The following DHRS2 variants were observed in gnomAD, a reference collection of about 807,000 sequenced individuals.
DHRS2 encodes the protein dehydrogenase/reductase SDR family member 2, mitochondrial.
A neutral mutation model predicts 26.3 loss-of-function variants in DHRS2; 29 were observed. That is an observed-to-expected ratio of 1.10 (90% confidence interval 0.82 to 1.50). The LOEUF is 1.50. DHRS2 is among the 40% of genes most tolerant of loss of function. The probability of loss-of-function intolerance (pLI) is 0.00; values close to 1 mark genes in which losing one functional copy is unlikely to be tolerated. For synonymous variants in DHRS2, 164 were observed against 151.3 expected, an observed-to-expected ratio of 1.08 and a Z score of -0.62; for missense variants, 439 against 367.1, an observed-to-expected ratio of 1.20 and a Z score of -1.60.
chr14:23,643,243 C>T, intron 5 of DHRS2, 24 bp downstream of exon 5: 1 of 1,612,402 alleles, frequency 6.2e-7, no homozygotes, highest in Non-Finnish European at 8.5e-7. Flanking sequence ...GGGGTGGGGA[C>T]CAGTCGGAGT....
At chr14:23,638,483 C>G (rs940260181) in intron 1 of DHRS2, 1 of 182,782 alleles carries the variant, frequency 5.5e-6, no homozygotes, top group Non-Finnish European at 1.1e-5. Flanking sequence ...GGGTCCAGGG[C>G]TGAGTCTGTC....
intron 1 of DHRS2, among the ~76,000 whole-genome samples, chr14:23,637,770 G>A (rs1156990762): frequency 4.6e-5 from 7 of 152,168 alleles, no homozygotes. Context: ...CGAAAGGATT[G>A]TAAATGCACC....
chr14:23,631,085 A>G (rs1890105444), intron 1 of DHRS2, among the ~76,000 whole-genome samples: 1 of 152,206 alleles, frequency 6.6e-6, no homozygotes, highest in Admixed American at 6.5e-5. Context: ...GGGATTTTCT[A>G]TAGGATGTAA....
intron 4 of DHRS2, chr14:23,641,842 G>A (rs1890685534): frequency 8.0e-7 from 1 of 1,252,992 alleles, no homozygotes; most frequent in African/African-American, 1.5e-5. Context: ...GGAAAAAACA[G>A]TGAACAGTCC....
At chr14:23,638,669 C>T in intron 1 of DHRS2, 158 bp from the exon 2 acceptor site, 2 of 663,202 alleles carry the variant, frequency 3.0e-6, no homozygotes, top group Non-Finnish European at 5.0e-6. Flanking sequence ...GGATTGCTTT[C>T]CTGACCTGAG....
In DHRS2 at chr14:23,639,895, G is replaced by A; in HGVS notation, c.420G>A (p.Lys140=). Residue 140 remains lysine, a splice_region_variant and synonymous_variant, in exon 4 of 9, where the codon AAG becomes AAA. Coordinates refer to ENST00000250383, the MANE Select transcript of DHRS2 (RefSeq NM_005794.4). ...GGACCAGTGAGCAGATCTGGGACAAGGTGAGAGGCCTCCCCTGGGGAGGCG... is the reference window on the plus strand; with the variant it reads ...GGACCAGTGAGCAGATCTGGGACAAAGTGAGAGGCCTCCCCTGGGGAGGCG... The part of the protein sequence containing the change: ...TLGTSEQIWD[K]ILSVNVKSPA... The A allele has an allele frequency of 6.3e-7, 1 of 1,595,332 alleles. No individual in the cohort carries two copies. The highest frequency in any genetic ancestry group is 1.7e-5 in the Admixed American group (1 of 57,804).
Position 23,640,320 on chromosome 14 carries a change from A to T in DHRS2, c.420+425A>T, listed in dbSNP as rs115442795. 6.5e-4 allele frequency: 638 copies of T among 985,608 alleles called. 3 individuals carry two copies. In the African/African-American group the frequency reaches 0.011, roughly 16 times the overall value. 61.1% of individuals were successfully genotyped at this position (985,608 alleles called of 1,614,324 possible). ...TTTTTCTTTGGTGACCTGTGCCTGT[A>T]GCGGAGACTGTCTCTCCTAGAAGGG... is the stretch of plus-strand genomic sequence containing the variant. On this transcript the variant is annotated intron_variant, in intron 4 of 8. Coordinates refer to ENST00000250383, the MANE Select transcript of DHRS2 (RefSeq NM_005794.4).
chr14:23,639,961 G>T, intron 4 of DHRS2, 66 bp downstream of exon 4: 1 of 1,325,328 alleles, frequency 7.5e-7, no homozygotes, highest in Non-Finnish European at 9.9e-7. Context: ...GCTCCAGCAT[G>T]CCTGTGCCCA....
upstream of DHRS2, among the ~76,000 whole-genome samples, chr14:23,632,977 C>T (rs1890162751): frequency 6.6e-6 from 1 of 152,228 alleles, no homozygotes; most frequent in Non-Finnish European, 1.5e-5. Context: ...CAACAGGAAG[C>T]TCATCAGATT....
chr14:23,630,394 A>G (rs1890089444), intron 1 of DHRS2, among the ~76,000 whole-genome samples: 1 of 152,130 alleles, frequency 6.6e-6, no homozygotes. Context: ...TCCTGCCTCT[A>G]TGTCTGCAGC....
At position 23,644,986 on chromosome 14, in the gene DHRS2, C is replaced by A. The variant is rs527486662; in HGVS notation, c.731+104C>A. 7.7e-6 allele frequency: 12 copies of A among 1,565,504 alleles called. No homozygotes were observed. In the East Asian group the frequency reaches 2.5e-4, roughly 32 times the overall value. ...CCCTGTCATCTGGCCATTGTTTTTG[C>A]TGAAATCTGGAGTCCACATGGCCCT... On this transcript the variant is annotated intron_variant, in intron 8 of 8. Coordinates refer to ENST00000250383, the MANE Select transcript of DHRS2 (RefSeq NM_005794.4).
At chr14:23,634,171 G>A (rs991007379), upstream of DHRS2, among the ~76,000 whole-genome samples, 106 of 144,796 alleles carry the variant, frequency 7.3e-4, no homozygotes, top group African/African-American at 2.4e-3. Flanking sequence ...GGGTTCAAGC[G>A]ACTCTCCTGC....
chr14:23,644,310 A>G, intron 6 of DHRS2, 99 bp from the exon 7 acceptor site: 1 of 1,572,636 alleles, frequency 6.4e-7, no homozygotes. Context: ...TGTGGGTGGG[A>G]GGGCTGCTGG....
chr14:23,644,882 G>A lies in DHRS2; in HGVS notation c.731G>A (p.Arg244Lys), dbSNP rs1890813539. The change falls in exon 8 of 9, where the codon AGG becomes AAG. Residue 244 changes from arginine to lysine, a missense_variant and splice_region_variant. By Grantham distance (26) the Arg-to-Lys change is conservative. Transcript: ENST00000250383. ...KNFKEHHQLQ[R>K]IGESEDCAGI... ...TTCAAGGAACATCATCAGCTGCAGA[G>A]GCAAGTGGGGTTTGGAGATTTGGTG... The A allele has an allele frequency of 1.2e-6, 2 of 1,614,198 alleles. No individual in the cohort carries two copies. The highest frequency in any genetic ancestry group is 3.3e-4 in the Middle Eastern group (2 of 6,062).
intron 4 of DHRS2, chr14:23,641,956 C>T (rs1890689966): frequency 2.6e-6 from 3 of 1,155,512 alleles, no homozygotes; most frequent in Non-Finnish European, 3.2e-6. Flanking sequence ...ATGTCAGTCC[C>T]ACCTGGCACT....
chr14:23,638,947 T>C lies in DHRS2; in HGVS notation c.83T>C (p.Ile28Thr), dbSNP rs763296378. Residue 28 changes from isoleucine (I) to threonine (T), a missense_variant, in exon 2 of 9, where the codon ATA becomes ACA. By Grantham distance (89) the Ile-to-Thr change is moderately conservative. Coordinates refer to ENST00000250383, the MANE Select transcript of DHRS2 (RefSeq NM_005794.4). The part of the protein sequence containing the change: ...RLSVRMSSTG[I>T]DRKGVLANRV... ...TCTGTGAGGATGAGCAGCACCGGGA[T>C]AGACAGGAAGGGCGTCCTGGCTAAC... is the stretch of plus-strand genomic sequence containing the variant. 6.2e-7 allele frequency: 1 copy of C among 1,614,152 alleles called. No individual in the cohort carries two copies. Among genetic ancestry groups the C allele is most frequent in the South Asian group, 1.1e-5 (1 of 91,080 alleles).
chr14:23,641,968 C>T, intron 4 of DHRS2: 1 of 1,139,910 alleles, frequency 8.8e-7, no homozygotes, highest in South Asian at 1.9e-5. Flanking sequence ...CCTGGCACTG[C>T]CCTAGCTCCC....
At chr14:23,631,554 C>A (rs1015376884), upstream of DHRS2, among the ~76,000 whole-genome samples, 4 of 151,954 alleles carry the variant, frequency 2.6e-5, no homozygotes, top group African/African-American at 7.3e-5. Context: ...CTCTACCCCC[C>A]CCACCCCTTT....
chr14:23,643,254 T>C, intron 5 of DHRS2, 35 bp downstream of exon 5: 1 of 1,606,076 alleles, frequency 6.2e-7, no homozygotes, highest in Middle Eastern at 1.7e-4. Flanking sequence ...CAGTCGGAGT[T>C]GGGGACCTGA....
Sources: gnomAD v4.1 joint callset for allele counts (sites outside exome capture counted in the v4.1 genomes callset) on GRCh38, gnomAD v4.1.1 for gene constraint, MANE v1.5 for transcripts, NCBI Gene and HGNC (gene_info 2026-07-23, HGNC 2026-07-21) for gene names.